The following LGR5 variants were observed in gnomAD, a reference collection of about 807,000 sequenced individuals.
The protein encoded by LGR5 is leucine-rich repeat-containing G protein-coupled receptor 5.
A neutral mutation model predicts 76.7 loss-of-function variants in LGR5; 54 were observed. The observed-to-expected ratio is 0.70, with a 90% CI of 0.57 to 0.88. The LOEUF (loss-of-function observed/expected upper bound fraction) is 0.88. LGR5 is among the 40% of genes least tolerant of loss of function. The pLI, the probability that LGR5 is intolerant of heterozygous loss-of-function variation, is 0.00. For synonymous variants in LGR5, 406 were observed against 421.9 expected (o/e 0.96, Z 0.46); for missense variants, 1,078 against 1,073.3 (o/e 1.00, Z -0.06).
chr12:71,548,301 C>CTGTGTGTGTGTGTGTG (rs10629001), intron 4 of LGR5, among the ~76,000 whole-genome samples: 3,774 of 104,068 alleles, frequency 0.036, 69 homozygotes, highest in Non-Finnish European at 0.046. Flanking sequence ...CCTTGTTGCA[C>CTGTGTGTGTGTGTGTG]TGTGTGTGTG....
intron 1 of LGR5, among the ~76,000 whole-genome samples, chr12:71,443,612 C>A (rs1871859220): frequency 6.6e-6 from 1 of 152,192 alleles, no homozygotes; most frequent in African/African-American, 2.4e-5. Flanking sequence ...GTTCTAACAT[C>A]TAATCTTAGT....
chr12:71,555,937 A>G (rs1459458518), intron 5 of LGR5, among the ~76,000 whole-genome samples: 2 of 152,250 alleles, frequency 1.3e-5, no homozygotes, highest in African/African-American at 2.4e-5. Flanking sequence ...ATGCCCATCA[A>G]TGATAGACTG....
intron 3 of LGR5, 85 bp from the exon 4 acceptor site, chr12:71,535,030 G>A: frequency 1.2e-6 from 1 of 839,542 alleles, no homozygotes; most frequent in Non-Finnish European, 1.9e-6. Context: ...TTGTTTTTCT[G>A]ACACCTGGAA....
chr12:71,535,230 G>A (rs1876528899), intron 4 of LGR5, 44 bp downstream of exon 4: 1 of 1,296,826 alleles, frequency 7.7e-7, no homozygotes, highest in African/African-American at 1.5e-5. Context: ...GATCAATTTG[G>A]GAAGAAGCAT....
chr12:71,564,634 A>G (rs140178043), intron 8 of LGR5, among the ~76,000 whole-genome samples: 1 of 148,512 alleles, frequency 6.7e-6, no homozygotes, highest in African/African-American at 2.5e-5. Context: ...GTATCTGTAC[A>G]CACGCACTGT....
chr12:71,545,283 C>T (rs1193439189), intron 4 of LGR5, among the ~76,000 whole-genome samples: 1 of 151,792 alleles, frequency 6.6e-6, no homozygotes, highest in African/African-American at 2.4e-5. Flanking sequence ...CTGTCTCTAC[C>T]AAAAAATACA....
intron 1 of LGR5, among the ~76,000 whole-genome samples, chr12:71,454,487 GA>G (rs993355869): frequency 2.0e-4 from 30 of 152,272 alleles, no homozygotes; most frequent in African/African-American, 6.7e-4. Context: ...AGAGTCAGAG[GA>G]TCTCTCTCAG....
chr12:71,566,134 C>T (rs372590643), intron 8 of LGR5, among the ~76,000 whole-genome samples: 3 of 152,134 alleles, frequency 2.0e-5, no homozygotes, highest in African/African-American at 4.8e-5. Flanking sequence ...ATTCAATTTA[C>T]TTGCTTTTCT....
chr12:71,558,112 G>A (rs1386976796), intron 6 of LGR5, among the ~76,000 whole-genome samples: 1 of 152,158 alleles, frequency 6.6e-6, no homozygotes, highest in Non-Finnish European at 1.5e-5. Context: ...GACTTGTCCA[G>A]GGAGGACCTT....
In LGR5 at chr12:71,584,191, C is replaced by G. The variant is rs149642519; in HGVS notation, c.2181C>G (p.Val727=). The G allele has an allele frequency of 1.2e-6, 2 of 1,614,086 alleles. No homozygotes were observed. The highest frequency in any genetic ancestry group is 3.3e-5 in the Admixed American group (2 of 60,024). Residue 727 remains valine (V), a synonymous_variant, in exon 18 of 18, where the codon GTC becomes GTG. Transcript: ENST00000266674. ...AGCCCAGCACCATGGGCTACATGGTCGCTCTCATCTTGCTCAATTCCCTTT... is the reference window on the plus strand; with the variant it reads ...AGCCCAGCACCATGGGCTACATGGTGGCTCTCATCTTGCTCAATTCCCTTT... ...FGEPSTMGYM[V]ALILLNSLCF...
At chr12:71,504,793 C>A in intron 2 of LGR5, 108 bp downstream of exon 2, 2 of 895,372 alleles carry the variant, frequency 2.2e-6, no homozygotes, top group South Asian at 1.3e-5. Flanking sequence ...GAAAACCTGT[C>A]AGCACCAACA....
chr12:71,452,592 T>C (rs1248508783), intron 1 of LGR5, among the ~76,000 whole-genome samples: 1 of 152,184 alleles, frequency 6.6e-6, no homozygotes, highest in African/African-American at 2.4e-5. Context: ...GTTTGGAATA[T>C]CCCAAGACAG....
chr12:71,483,215 G>C (rs1219018621), intron 1 of LGR5, among the ~76,000 whole-genome samples: 1 of 152,160 alleles, frequency 6.6e-6, no homozygotes, highest in South Asian at 2.1e-4. Context: ...CTGCTATTGC[G>C]TGTCTACTCC....
intron 1 of LGR5, among the ~76,000 whole-genome samples, chr12:71,504,165 T>G (rs1874743348): frequency 6.6e-6 from 1 of 152,166 alleles, no homozygotes; most frequent in Admixed American, 6.5e-5. Flanking sequence ...TTTCTTTGAA[T>G]CAAAACATTT....
intron 1 of LGR5, among the ~76,000 whole-genome samples, chr12:71,445,405 G>A (rs75113164): frequency 0.028 from 4,209 of 152,040 alleles, 80 homozygotes; most frequent in Middle Eastern, 0.048. Context: ...TTGTTAAATC[G>A]GCCCATGAGT....
intron 1 of LGR5, among the ~76,000 whole-genome samples, chr12:71,454,756 C>T (rs1412922200): frequency 6.7e-6 from 1 of 148,836 alleles, no homozygotes; most frequent in Non-Finnish European, 1.5e-5. Flanking sequence ...ACAAGGCACA[C>T]ACACACGTGC....
chr12:71,524,338 TTAACAAC>T, intron 2 of LGR5, 61 bp from the exon 3 acceptor site: 1 of 1,143,436 alleles, frequency 8.7e-7, no homozygotes, highest in Non-Finnish European at 1.3e-6. Context: ...TTGCATTTTT[TTAACAAC>T]TAAATGACTT....
At chr12:71,548,433 G>A (rs555614427) in intron 4 of LGR5, among the ~76,000 whole-genome samples, 1 of 152,130 alleles carries the variant, frequency 6.6e-6, no homozygotes, top group South Asian at 2.1e-4. Context: ...TATTATGAGG[G>A]TTGAAAGAAA....
In LGR5 at chr12:71,445,703, A is replaced by G. The variant is rs545186689; in HGVS notation, c.212+5411A>G. Among the ~76,000 whole-genome samples the G allele has an allele frequency of 5.3e-5, 8 of 151,436 alleles. No homozygotes were observed. The South Asian group carries it at 1.4e-3, about 27-fold the overall frequency. On this transcript the variant is annotated intron_variant, in intron 1 of 17. Transcript: ENST00000266674. ...ATGGGAATGCCTGGCTTGAAACTGG[A>G]ACGGAGAAAAACGTTAGTCATTTGA... is the stretch of plus-strand genomic sequence containing the variant.
Sources: gnomAD v4.1 joint callset for allele counts (sites outside exome capture counted in the v4.1 genomes callset) on GRCh38, gnomAD v4.1.1 for gene constraint, MANE v1.5 for transcripts, NCBI Gene and HGNC (gene_info 2026-07-23, HGNC 2026-07-21) for gene names.